EPHA7: variants seen among roughly 807,000 people sequenced by gnomAD.
EPHA7 encodes ephrin type-A receptor 7.
Under a neutral mutation model 112.6 loss-of-function variants are expected in EPHA7, and 25 were observed. The observed-to-expected ratio is 0.22, with a 90% CI of 0.16 to 0.31. EPHA7 has a LOEUF of 0.31. EPHA7 is among the 10% of genes least tolerant of loss of function. The pLI is 1.00. For synonymous variants in EPHA7, 437 were observed against 406.5 expected (o/e 1.07, Z -0.90); for missense variants, 962 against 1,212.6 (o/e 0.79, Z 3.07).
intron 3 of EPHA7, among the ~76,000 whole-genome samples, chr6:93,393,306 A>G (rs893408103): frequency 2.0e-5 from 3 of 151,922 alleles, no homozygotes; most frequent in African/African-American, 7.2e-5. Flanking sequence ...TGGCTAATAA[A>G]TATCTGAAAT....
At chr6:93,395,899 G>C (rs1375614309) in intron 3 of EPHA7, among the ~76,000 whole-genome samples, 1 of 151,856 alleles carries the variant, frequency 6.6e-6, no homozygotes, top group African/African-American at 2.4e-5. Context: ...CCCTCTCTGA[G>C]CTTCCCAGTG....
chr6:93,346,165 G>A (rs900902450), intron 5 of EPHA7, among the ~76,000 whole-genome samples: 2 of 151,580 alleles, frequency 1.3e-5, no homozygotes, highest in Non-Finnish European at 3.0e-5. Context: ...AAATTTATGG[G>A]CCCATGTTTT....
At chr6:93,387,245 C>A (rs183222437) in intron 3 of EPHA7, among the ~76,000 whole-genome samples, 1 of 152,208 alleles carries the variant, frequency 6.6e-6, no homozygotes, top group Admixed American at 6.5e-5. Context: ...CCACCAATCT[C>A]TAGGGCAGGA....
chr6:93,324,079 A>AT (rs1199398402), intron 5 of EPHA7, among the ~76,000 whole-genome samples: 1 of 151,366 alleles, frequency 6.6e-6, no homozygotes, highest in African/African-American at 2.4e-5. Flanking sequence ...TATTTTTGAG[A>AT]TTTTTCACCT....
At chr6:93,263,092 T>C (rs1272350655) in intron 9 of EPHA7, among the ~76,000 whole-genome samples, 1 of 151,338 alleles carries the variant, frequency 6.6e-6, no homozygotes, top group Non-Finnish European at 1.5e-5. Flanking sequence ...TCTTAAGGAT[T>C]AAAAATGGGG....
rs972246430 is a variant in EPHA7 at position 93,240,356 on chromosome 6, TAA to T, written c.*3068_*3069del. On this transcript the variant is annotated 3_prime_UTR_variant, in exon 17 of 17. Coordinates refer to ENST00000369303, the MANE Select transcript of EPHA7 (RefSeq NM_004440.4). ...AGGGAGAATATCAGCATTACCTAAA[TAA>T]AAAAGAGAGGTGAATCACACCATTT... 8.9e-6 allele frequency: 2 copies of T among 224,410 alleles called. No homozygotes were observed. Among genetic ancestry groups the T allele is most frequent in the South Asian group, 1.8e-4 (1 of 5,458 alleles). 13.9% of individuals were successfully genotyped at this position (224,410 alleles called of 1,614,324 possible).
chr6:93,382,462 C>T (rs1310123102), intron 3 of EPHA7, among the ~76,000 whole-genome samples: 7 of 152,148 alleles, frequency 4.6e-5, no homozygotes, highest in African/African-American at 1.7e-4. Flanking sequence ...TGCTGTGGAG[C>T]CCAGTTCATA....
At chr6:93,384,491 C>A (rs79654588) in intron 3 of EPHA7, among the ~76,000 whole-genome samples, 1,689 of 152,190 alleles carry the variant, frequency 0.011, 69 homozygotes, top group East Asian at 0.11. Context: ...ATAGAAAGCC[C>A]TCCAGAACTT....
At chr6:93,281,156 T>C (rs997743197) in intron 5 of EPHA7, among the ~76,000 whole-genome samples, 1 of 152,156 alleles carries the variant, frequency 6.6e-6, no homozygotes, top group Admixed American at 6.5e-5. Flanking sequence ...ATGAGCTAGC[T>C]AGAAAAGTAC....
chr6:93,343,069 A>G (rs1190841873), intron 5 of EPHA7, among the ~76,000 whole-genome samples: 2 of 151,770 alleles, frequency 1.3e-5, no homozygotes, highest in Admixed American at 6.6e-5. Flanking sequence ...TTTGAATAAT[A>G]CTGATCTACA....
At chr6:93,259,295 T>C (rs1054545686) in intron 10 of EPHA7, 59 bp downstream of exon 10, 13 of 1,599,288 alleles carry the variant, frequency 8.1e-6, no homozygotes, top group Non-Finnish European at 1.1e-5. Context: ...CATTATGATG[T>C]ATGACTTTCG....
chr6:93,341,683 A>G (rs1775144810), intron 5 of EPHA7, among the ~76,000 whole-genome samples: 1 of 151,832 alleles, frequency 6.6e-6, no homozygotes, highest in Non-Finnish European at 1.5e-5. Context: ...TGAAGTTTAG[A>G]TGGTAGCTTT....
chr6:93,359,013 G>A (rs1776104972), intron 3 of EPHA7, among the ~76,000 whole-genome samples: 1 of 152,228 alleles, frequency 6.6e-6, no homozygotes, highest in African/African-American at 2.4e-5. Context: ...TTTCCACTAA[G>A]TGAACTTCTT....
chr6:93,276,591 T>C (rs1562062072), intron 5 of EPHA7, among the ~76,000 whole-genome samples: 1 of 152,034 alleles, frequency 6.6e-6, no homozygotes, highest in Admixed American at 6.6e-5. Context: ...TTGTTCACTG[T>C]TTGTGGTAAT....
intron 5 of EPHA7, among the ~76,000 whole-genome samples, chr6:93,284,532 T>C (rs1026135903): frequency 6.6e-6 from 1 of 152,164 alleles, no homozygotes; most frequent in African/African-American, 2.4e-5. Context: ...TATAAAGATA[T>C]ATGCACACAT....
At chr6:93,311,349 T>C (rs553869205) in intron 5 of EPHA7, among the ~76,000 whole-genome samples, 1 of 152,108 alleles carries the variant, frequency 6.6e-6, no homozygotes, top group South Asian at 2.1e-4. Flanking sequence ...ATCAGCTAAG[T>C]TTATGTAAGT....
At chr6:93,292,150 A>G (rs1462947076) in intron 5 of EPHA7, among the ~76,000 whole-genome samples, 1 of 152,228 alleles carries the variant, frequency 6.6e-6, no homozygotes, top group Non-Finnish European at 1.5e-5. Flanking sequence ...AAGTCATGCA[A>G]GAAAAGGCAC....
At chr6:93,325,718 G>T (rs1302619022) in intron 5 of EPHA7, among the ~76,000 whole-genome samples, 2 of 151,220 alleles carry the variant, frequency 1.3e-5, no homozygotes, top group Non-Finnish European at 3.0e-5. Context: ...GTAAAAAACT[G>T]TTACGAATCT....
chr6:93,387,302 T>C (rs538521077), intron 3 of EPHA7, among the ~76,000 whole-genome samples: 4 of 152,098 alleles, frequency 2.6e-5, no homozygotes, highest in Admixed American at 2.6e-4. Context: ...AAAGTCACCT[T>C]TGCTCCAATT....
Sources: allele counts gnomAD v4.1 joint callset (sites outside exome capture counted in the v4.1 genomes callset), GRCh38; gene constraint gnomAD v4.1.1; transcripts MANE v1.5; gene names NCBI Gene and HGNC (gene_info 2026-07-23, HGNC 2026-07-21).